Variants in IMMP2L observed in about 807,000 individuals in gnomAD.
IMMP2L encodes inner mitochondrial membrane peptidase subunit 2.
Under a neutral mutation model 19.3 loss-of-function variants are expected in IMMP2L, and 18 were observed. The ratio of observed to expected loss-of-function variants is 0.93; its 90% CI spans 0.64 to 1.38. The LOEUF (loss-of-function observed/expected upper bound fraction) is 1.38. IMMP2L is among the 40% of genes most tolerant of loss of function. IMMP2L has a pLI of 0.00. For synonymous variants in IMMP2L, 76 were observed against 73.0 expected (o/e 1.04, Z -0.21); for missense variants, 233 against 218.2 (o/e 1.07, Z -0.43).
intron 5 of IMMP2L, among the ~76,000 whole-genome samples, chr7:110,773,175 C>G (rs918094875): frequency 6.6e-6 from 1 of 152,058 alleles, no homozygotes; most frequent in Admixed American, 6.6e-5. Context: ...AGTTTAGTCA[C>G]TGTGTGCTAG....
In IMMP2L at chr7:111,408,375, T is replaced by A. The variant is rs181071169; in HGVS notation, c.239+78863A>T. ...AATATAAAGAATGCTCATGATCTAATCTACTGAATCACTATGTTCATACAG... is the reference window on the plus strand; with the variant it reads ...AATATAAAGAATGCTCATGATCTAAACTACTGAATCACTATGTTCATACAG... On this transcript the variant is annotated intron_variant, in intron 3 of 5. Transcript: ENST00000405709. 2.5e-3 allele frequency among the ~76,000 whole-genome samples: 384 copies of A among 151,878 alleles called. 13 individuals are homozygous for A. The highest frequency in any genetic ancestry group is 8.7e-3 in the African/African-American group (361 of 41,290).
chr7:111,190,069 A>C (rs1381481430), intron 3 of IMMP2L, among the ~76,000 whole-genome samples: 1 of 152,170 alleles, frequency 6.6e-6, no homozygotes, highest in Non-Finnish European at 1.5e-5. Context: ...AATGAAACAA[A>C]AATTGTCTGC....
chr7:111,544,355 C>T (rs1050916811), intron 1 of IMMP2L, among the ~76,000 whole-genome samples: 12 of 151,928 alleles, frequency 7.9e-5, no homozygotes, highest in South Asian at 4.2e-4. Flanking sequence ...TGTAACAAAC[C>T]TGCACATTGT....
intron 5 of IMMP2L, among the ~76,000 whole-genome samples, chr7:110,765,310 A>G (rs1028669807): frequency 6.6e-6 from 1 of 152,136 alleles, no homozygotes; most frequent in Non-Finnish European, 1.5e-5. Context: ...GAAATTAAAT[A>G]CTCACAGAGG....
intron 3 of IMMP2L, among the ~76,000 whole-genome samples, chr7:111,325,917 G>A (rs1436789866): frequency 6.6e-6 from 1 of 151,636 alleles, no homozygotes; most frequent in African/African-American, 2.4e-5. Flanking sequence ...TAGTAATAAT[G>A]TTCTGGAATT....
intron 3 of IMMP2L, among the ~76,000 whole-genome samples, chr7:111,169,269 T>G (rs1806175538): frequency 6.6e-6 from 1 of 151,830 alleles, no homozygotes; most frequent in Non-Finnish European, 1.5e-5. Context: ...TGATCCCAAT[T>G]CCCAACTCTT....
intron 4 of IMMP2L, among the ~76,000 whole-genome samples, chr7:110,926,778 A>G (rs1814904573): frequency 6.6e-6 from 1 of 152,096 alleles, no homozygotes; most frequent in South Asian, 2.1e-4. Flanking sequence ...TATCATTACA[A>G]TTTTTTTGTA....
At chr7:110,957,420 T>C (rs1244296991) in intron 4 of IMMP2L, among the ~76,000 whole-genome samples, 2 of 151,992 alleles carry the variant, frequency 1.3e-5, no homozygotes, top group Non-Finnish European at 2.9e-5. Context: ...AAGCTAGATA[T>C]TATTTTCTCA....
At chr7:110,681,394 C>G (rs1048141027) in intron 5 of IMMP2L, among the ~76,000 whole-genome samples, 8 of 152,032 alleles carry the variant, frequency 5.3e-5, no homozygotes, top group African/African-American at 1.9e-4. Flanking sequence ...CTTTCATTTT[C>G]TGCAGAAAAA....
At chr7:110,740,410 C>T (rs1441252026) in intron 5 of IMMP2L, among the ~76,000 whole-genome samples, 1 of 151,968 alleles carries the variant, frequency 6.6e-6, no homozygotes, top group Non-Finnish European at 1.5e-5. Context: ...TACAGAAATA[C>T]AAAAGATTAT....
intron 2 of IMMP2L, among the ~76,000 whole-genome samples, chr7:111,515,169 A>G (rs1022587566): frequency 2.0e-5 from 3 of 152,134 alleles, no homozygotes; most frequent in Admixed American, 2.0e-4. Context: ...CCTGGTTGCA[A>G]GCTGCATGTG....
chr7:111,435,494 G>C (rs1182094638), intron 3 of IMMP2L, among the ~76,000 whole-genome samples: 4 of 151,778 alleles, frequency 2.6e-5, no homozygotes, highest in Admixed American at 2.6e-4. Flanking sequence ...TGGACATACA[G>C]AGTGGAACAA....
chr7:111,284,783 T>C (rs1820309771), intron 3 of IMMP2L, among the ~76,000 whole-genome samples: 1 of 152,116 alleles, frequency 6.6e-6, no homozygotes, highest in Non-Finnish European at 1.5e-5. Context: ...GCAATGAAAG[T>C]TCAAGGGGTT....
At chr7:110,792,788 T>C (rs1033914940) in intron 5 of IMMP2L, among the ~76,000 whole-genome samples, 1 of 152,070 alleles carries the variant, frequency 6.6e-6, no homozygotes, top group Non-Finnish European at 1.5e-5. Context: ...GTATCCACCA[T>C]TATAGTATCA....
At chr7:111,218,200 C>G (rs1209550014) in intron 3 of IMMP2L, among the ~76,000 whole-genome samples, 18 of 151,998 alleles carry the variant, frequency 1.2e-4, no homozygotes, top group African/African-American at 2.4e-5. Flanking sequence ...TCCCAAGTAT[C>G]TGCTCTGTTC....
intron 3 of IMMP2L, among the ~76,000 whole-genome samples, chr7:111,016,262 G>T (rs1056356935): frequency 1.3e-5 from 2 of 149,316 alleles, no homozygotes; most frequent in African/African-American, 2.5e-5. Flanking sequence ...ATAGAATGAA[G>T]ATTAGCTACA....
At chr7:110,846,262 T>C (rs1805650226) in intron 5 of IMMP2L, among the ~76,000 whole-genome samples, 5 of 151,418 alleles carry the variant, frequency 3.3e-5, no homozygotes, top group Admixed American at 3.3e-4. Flanking sequence ...GTAACATGGG[T>C]GGTTACTTCC....
chr7:111,235,998 G>A (rs1214996502), intron 3 of IMMP2L, among the ~76,000 whole-genome samples: 2 of 151,912 alleles, frequency 1.3e-5, no homozygotes, highest in African/African-American at 4.8e-5. Context: ...CTTAGGTCCT[G>A]TAACATTCAT....
rs1814886566 is a variant in IMMP2L, at chr7:111,240,548, C to A, written c.239+246690G>T. On this transcript the variant is annotated intron_variant, in intron 3 of 5. Transcript: ENST00000405709. ...TCAAGGCAAATAAAACGAAGAAGAA[C>A]CAGCTGCAAAAACTGATTTTGTTCT... Among the ~76,000 whole-genome samples, 4 of 151,872 alleles carry A rather than the reference C, an allele frequency of 2.6e-5. 1 individual carries two copies. The highest frequency in any genetic ancestry group is 2.6e-4 in the Admixed American group (4 of 15,202).
Sources: allele counts gnomAD v4.1 joint callset (sites outside exome capture counted in the v4.1 genomes callset), GRCh38; gene constraint gnomAD v4.1.1; transcripts MANE v1.5; gene names NCBI Gene and HGNC (gene_info 2026-07-23, HGNC 2026-07-21).